The following PDGFRA variants were observed in gnomAD, a reference collection of about 807,000 sequenced individuals.
PDGFRA encodes platelet derived growth factor receptor alpha.
PDGFRA carries 25 observed loss-of-function variants against 121.5 expected under a neutral mutation model. The ratio of observed to expected loss-of-function variants is 0.21; its 90% CI spans 0.15 to 0.29. The LOEUF (loss-of-function observed/expected upper bound fraction) is 0.29, where lower values mean the gene tolerates loss of function less well. Ranked by LOEUF, PDGFRA falls within the 10% of genes least tolerant of loss-of-function variation. The probability of loss-of-function intolerance (pLI) is 1.00; values close to 1 mark genes in which losing one functional copy is unlikely to be tolerated. For missense variants in PDGFRA, 1,008 were observed against 1,345.1 expected (o/e 0.75, Z 3.92); for synonymous variants, 463 against 494.8 (o/e 0.94, Z 0.85).
Position 54,274,513 on chromosome 4 carries a change from C to T in PDGFRA, c.1559-18C>T, listed in dbSNP as rs1480666053. On this transcript the variant is annotated intron_variant, in intron 10 of 22. Transcript: ENST00000257290. The stretch of plus-strand genomic sequence containing the variant: ...TGCCAGGAAACTTTTCATTGTGCCT[C>T]TCTCTCTTGTCACGTAGCCCTGCGT... 1.3e-6 allele frequency: 2 copies of T among 1,592,852 alleles called. No homozygotes were observed. Among genetic ancestry groups the T allele is most frequent in the Non-Finnish European group, 1.7e-6 (2 of 1,161,670 alleles).
chr4:54,283,721 T>C (rs1577739043), intron 16 of PDGFRA, among the ~76,000 whole-genome samples: 1 of 152,244 alleles, frequency 6.6e-6, no homozygotes, highest in Non-Finnish European at 1.5e-5. Context: ...CTCTGTCACA[T>C]GGCCAAGCTA....
intron 1 of PDGFRA, among the ~76,000 whole-genome samples, chr4:54,236,977 C>CT (rs1262745270): frequency 1.3e-5 from 2 of 150,586 alleles, no homozygotes; most frequent in African/African-American, 2.4e-5. Flanking sequence ...CCATTGCCCA[C>CT]TTTTTTTTTG....
chr4:54,240,211 T>C, intron 1 of PDGFRA: 1 of 190,528 alleles, frequency 5.2e-6, no homozygotes, highest in Non-Finnish European at 1.2e-5. Flanking sequence ...CTGAAATTCT[T>C]ATTTCATGTT....
intron 21 of PDGFRA, among the ~76,000 whole-genome samples, chr4:54,289,349 A>G (rs971250788): frequency 1.3e-5 from 2 of 152,168 alleles, no homozygotes; most frequent in African/African-American, 4.8e-5. Flanking sequence ...TGTAAGCACT[A>G]TTCTCCAGAT....
At chr4:54,275,097 G>C (rs890932782) in intron 12 of PDGFRA, 124 bp downstream of exon 12, 1 of 1,019,914 alleles carries the variant, frequency 9.8e-7, no homozygotes, top group Admixed American at 1.8e-5. Context: ...ATGGAAATTT[G>C]CTTTCAGAAA....
At chr4:54,246,861 G>A (rs1411980726) in intron 1 of PDGFRA, among the ~76,000 whole-genome samples, 25 of 133,524 alleles carry the variant, frequency 1.9e-4, no homozygotes, top group Admixed American at 2.4e-4. Context: ...TCAAATAGAC[G>A]CAAAAAAAAA....
At chr4:54,246,764 T>C (rs1721696339) in intron 1 of PDGFRA, among the ~76,000 whole-genome samples, 2 of 150,906 alleles carry the variant, frequency 1.3e-5, no homozygotes, top group African/African-American at 4.9e-5. Flanking sequence ...TTCAAAAAAT[T>C]AATGAATCCA....
rs764265933 is a variant in PDGFRA at position 54,295,127 on chromosome 4, C to T, written c.3125C>T (p.Ser1042Leu). ...EDLGKRNRHS[S>L]QTSEESAIET... ...TTGCTCTTCTCTCCCTCCTCCAGCT[C>T]GCAGACCTCTGAAGAGAGTGCCATT... The change falls in exon 23 of 23, where the codon TCG (serine) becomes TTG (leucine). Residue 1042 changes from serine to leucine, a missense_variant and splice_region_variant. Physicochemically the swap from Ser to Leu is moderately radical, Grantham distance 145. Coordinates refer to ENST00000257290, the MANE Select transcript of PDGFRA (RefSeq NM_006206.6). 6 of 1,613,936 alleles carry T rather than the reference C, an allele frequency of 3.7e-6. No homozygotes were observed. Among genetic ancestry groups the T allele is most frequent in the Non-Finnish European group, 4.2e-6 (5 of 1,179,846 alleles).
chr4:54,284,483 C>T (rs978269353), intron 16 of PDGFRA, among the ~76,000 whole-genome samples: 1 of 151,944 alleles, frequency 6.6e-6, no homozygotes, highest in Admixed American at 6.6e-5. Flanking sequence ...GGAGAGGCCT[C>T]AGGAAGCTTC....
chr4:54,247,846 C>A (rs1413270948), intron 1 of PDGFRA, among the ~76,000 whole-genome samples: 4 of 152,170 alleles, frequency 2.6e-5, no homozygotes, highest in African/African-American at 9.7e-5. Context: ...CCAAAATCTC[C>A]TGAAGCTGAT....
At position 54,296,374 on chromosome 4, in the gene PDGFRA, T is replaced by G. The variant is rs1577757624; in HGVS notation, c.*1102T>G. On this transcript the variant is annotated 3_prime_UTR_variant, in exon 23 of 23. Coordinates refer to ENST00000257290, the MANE Select transcript of PDGFRA (RefSeq NM_006206.6). ...AAGACTGGATTTGCAGAAGTTTTTT[T>G]TTTTTTTTTCTTCATGCCTGATGAA... is the stretch of plus-strand genomic sequence containing the variant. The G allele has an allele frequency of 3.5e-5, 8 of 231,740 alleles. No homozygotes were observed. The highest frequency in any genetic ancestry group is 1.3e-3 in the Middle Eastern group (1 of 772). 14.4% of individuals were successfully genotyped at this position (231,740 alleles called of 1,614,324 possible). A position where few individuals can be genotyped will look rare whatever the true frequency, so the allele number is the denominator to read the frequency against.
intron 12 of PDGFRA, 79 bp from the exon 13 acceptor site, chr4:54,277,309 C>G: frequency 2.1e-6 from 2 of 945,222 alleles, no homozygotes; most frequent in East Asian, 2.4e-5. Context: ...GCTGTCCGCC[C>G]GCAGAGAGCT....
chr4:54,277,320 GGCTACGGT>G, intron 12 of PDGFRA, 60 bp from the exon 13 acceptor site: 1 of 1,041,068 alleles, frequency 9.6e-7, no homozygotes, highest in Non-Finnish European at 1.5e-6. Flanking sequence ...GCAGAGAGCT[GGCTACGGT>G]GCAGAAAGCT....
intron 18 of PDGFRA, 75 bp downstream of exon 18, chr4:54,286,038 G>C (rs1214137987): frequency 2.1e-6 from 3 of 1,448,664 alleles, no homozygotes; most frequent in Non-Finnish European, 1.9e-6. Flanking sequence ...GTTGCTTCTA[G>C]AGATTCGGTG....
chr4:54,261,449 C>A, intron 3 of PDGFRA, 37 bp downstream of exon 3: 1 of 1,359,104 alleles, frequency 7.4e-7, no homozygotes, highest in South Asian at 1.2e-5. Flanking sequence ...AGCTTCTTCT[C>A]TTCCTGTCTC....
rs151108054 is a variant in PDGFRA, at chr4:54,293,073, A to T, written c.3123-2052A>T. Among the ~76,000 whole-genome samples, 368 of 152,344 alleles carry T rather than the reference A, an allele frequency of 2.4e-3. 1 individual carries two copies. Among genetic ancestry groups the T allele is most frequent in the Non-Finnish European group, 4.1e-3 (282 of 68,036 alleles). ...TCATACACTTGTTTTGTTCTGTCTG[A>T]GATCCAGATAAGAGTCACACATTGC... is the stretch of plus-strand genomic sequence containing the variant. On this transcript the variant is annotated intron_variant, in intron 22 of 22. Transcript: ENST00000257290.
chr4:54,266,536 C>G (rs1723036292), intron 5 of PDGFRA, among the ~76,000 whole-genome samples: 2 of 151,682 alleles, frequency 1.3e-5, no homozygotes, highest in Admixed American at 6.6e-5. Flanking sequence ...CACATGTGAG[C>G]CTCTGAGCTT....
rs569377991 is a variant in PDGFRA, at chr4:54,269,354, A to G, written c.1122-1279A>G. On this transcript the variant is annotated intron_variant, in intron 7 of 22. Coordinates refer to ENST00000257290, the MANE Select transcript of PDGFRA (RefSeq NM_006206.6). ...TGTACAATTATCACGTTTTACACAC[A>G]AGGAAACTGAGGCATGGAGCATTGT... Among the ~76,000 whole-genome samples, 5 of 152,274 alleles carry G rather than the reference A, an allele frequency of 3.3e-5. No individual in the cohort carries two copies. In the East Asian group the frequency reaches 5.8e-4, roughly 18 times the overall value.
intron 22 of PDGFRA, among the ~76,000 whole-genome samples, chr4:54,294,422 T>A (rs2110356958): frequency 6.6e-6 from 1 of 152,324 alleles, no homozygotes; most frequent in South Asian, 2.1e-4. Context: ...AGAAGTTTTC[T>A]AGGGCTACAA....
Sources: allele counts gnomAD v4.1 joint callset (sites outside exome capture counted in the v4.1 genomes callset), GRCh38; gene constraint gnomAD v4.1.1; transcripts MANE v1.5; gene names NCBI Gene and HGNC (gene_info 2026-07-23, HGNC 2026-07-21).